PLXDC2: variants seen among roughly 807,000 people sequenced by gnomAD.
PLXDC2 encodes the protein plexin domain-containing protein 2.
A neutral mutation model predicts 68.9 loss-of-function variants in PLXDC2; 40 were observed. The ratio of observed to expected loss-of-function variants is 0.58; its 90% confidence interval spans 0.45 to 0.76. PLXDC2 has a LOEUF of 0.76. Among genes scored for constraint, PLXDC2 ranks in the 30% least tolerant of loss-of-function variants. The pLI is 0.00. For synonymous variants in PLXDC2, 243 were observed against 234.2 expected (o/e 1.04, Z -0.34); for missense variants, 644 against 661.9 (o/e 0.97, Z 0.30).
chr10:19,890,575 C>T (rs946348841), intron 1 of PLXDC2, among the ~76,000 whole-genome samples: 3 of 145,660 alleles, frequency 2.1e-5, no homozygotes, highest in African/African-American at 7.6e-5. Flanking sequence ...CAGGGTTTCA[C>T]CGCGTTAGCC....
At chr10:20,214,699 G>A (rs564665252) in intron 10 of PLXDC2, among the ~76,000 whole-genome samples, 276 of 152,178 alleles carry the variant, frequency 1.8e-3, no homozygotes, top group Middle Eastern at 3.4e-3. Flanking sequence ...GAATCTACTT[G>A]TTTTGTTATA....
chr10:20,255,787 T>C (rs1452032418), intron 13 of PLXDC2, among the ~76,000 whole-genome samples: 1 of 152,080 alleles, frequency 6.6e-6, no homozygotes, highest in African/African-American at 2.4e-5. Context: ...ATGATGGTAG[T>C]AATCGTGCTT....
intron 2 of PLXDC2, among the ~76,000 whole-genome samples, chr10:20,027,137 A>G (rs1835419391): frequency 6.6e-6 from 1 of 150,604 alleles, no homozygotes; most frequent in African/African-American, 2.4e-5. Flanking sequence ...ATTCTAATAC[A>G]TGTAGACACA....
intron 3 of PLXDC2, among the ~76,000 whole-genome samples, chr10:20,053,456 T>C (rs1024823280): frequency 7.2e-5 from 11 of 152,252 alleles, no homozygotes; most frequent in Middle Eastern, 3.4e-3. Flanking sequence ...CTGGGTATTT[T>C]GTCCTTCATT....
intron 13 of PLXDC2, among the ~76,000 whole-genome samples, chr10:20,265,892 C>T (rs1835866052): frequency 6.6e-6 from 1 of 152,066 alleles, no homozygotes; most frequent in Non-Finnish European, 1.5e-5. Context: ...TGTGCCTTTG[C>T]CACACCTTCT....
At chr10:20,039,760 A>G (rs1281637818) in intron 2 of PLXDC2, among the ~76,000 whole-genome samples, 1 of 152,182 alleles carries the variant, frequency 6.6e-6, no homozygotes, top group Non-Finnish European at 1.5e-5. Context: ...AATTCAAATA[A>G]TACAGATGAG....
rs368799104 is a variant in PLXDC2 at position 20,115,024 on chromosome 10, AT to A, written c.542-28262del. ...AGGAGATAAATAAATCCGCAATGCA[AT>A]TTTTTTTTACCACTTTCTCTTCAAA... On this transcript the variant is annotated intron_variant, in intron 4 of 13. Coordinates refer to ENST00000377252, the MANE Select transcript of PLXDC2 (RefSeq NM_032812.9). Among the ~76,000 whole-genome samples the A allele has an allele frequency of 1.7e-3, 255 of 151,856 alleles. 3 individuals carry two copies. The highest frequency in any genetic ancestry group is 5.9e-3 in the African/African-American group (243 of 41,420).
At chr10:19,878,709 T>C (rs767671378) in intron 1 of PLXDC2, among the ~76,000 whole-genome samples, 4 of 152,246 alleles carry the variant, frequency 2.6e-5, no homozygotes, top group Non-Finnish European at 5.9e-5. Context: ...TTGCATAGTT[T>C]TCACAACTTA....
intron 4 of PLXDC2, among the ~76,000 whole-genome samples, chr10:20,127,552 A>G (rs1833809776): frequency 6.6e-6 from 1 of 152,220 alleles, no homozygotes; most frequent in South Asian, 2.1e-4. Flanking sequence ...AATATTCAAC[A>G]TGTACAATAA....
At chr10:19,862,863 A>G (rs1356180435) in intron 1 of PLXDC2, among the ~76,000 whole-genome samples, 1 of 152,148 alleles carries the variant, frequency 6.6e-6, no homozygotes, top group Non-Finnish European at 1.5e-5. Flanking sequence ...TTCTTTCAGA[A>G]TATAGAAGTG....
chr10:20,170,710 T>C (rs1834436576), intron 7 of PLXDC2, among the ~76,000 whole-genome samples: 1 of 152,146 alleles, frequency 6.6e-6, no homozygotes, highest in Non-Finnish European at 1.5e-5. Context: ...GTGGCTACTA[T>C]GAACTTGCAA....
At chr10:19,931,953 G>T (rs1282384918) in intron 1 of PLXDC2, among the ~76,000 whole-genome samples, 2 of 10,216 alleles carry the variant, frequency 2.0e-4, no homozygotes, top group Non-Finnish European at 3.8e-4. Flanking sequence ...AATTTGGGAA[G>T]TGTGTGTGTG....
intron 3 of PLXDC2, among the ~76,000 whole-genome samples, chr10:20,063,555 T>C (rs1836141756): frequency 6.6e-6 from 1 of 152,036 alleles, no homozygotes; most frequent in Admixed American, 6.6e-5. Flanking sequence ...CAAATGGGAA[T>C]TGGGTATATT....
chr10:19,941,688 T>C (rs1833820495), intron 1 of PLXDC2, among the ~76,000 whole-genome samples: 1 of 152,176 alleles, frequency 6.6e-6, no homozygotes. Context: ...AGAATGCCTT[T>C]TGTGACTACT....
At chr10:20,057,351 T>C (rs1387121632) in intron 3 of PLXDC2, among the ~76,000 whole-genome samples, 2 of 152,312 alleles carry the variant, frequency 1.3e-5, no homozygotes, top group African/African-American at 4.8e-5. Flanking sequence ...CCTGGGTAGG[T>C]TAGTATTTCA....
chr10:20,235,397 T>C (rs1191614466), intron 12 of PLXDC2, among the ~76,000 whole-genome samples: 4 of 152,204 alleles, frequency 2.6e-5, no homozygotes. Context: ...TATAACAAAG[T>C]ATACTAATCA....
chr10:20,109,196 A>C (rs1833527859), intron 4 of PLXDC2, among the ~76,000 whole-genome samples: 1 of 152,200 alleles, frequency 6.6e-6, no homozygotes, highest in African/African-American at 2.4e-5. Context: ...TGCTTATGCC[A>C]GTTAATCTTA....
chr10:20,200,787 A>G (rs1235287461), intron 9 of PLXDC2, among the ~76,000 whole-genome samples: 1 of 152,140 alleles, frequency 6.6e-6, no homozygotes, highest in Non-Finnish European at 1.5e-5. Flanking sequence ...ACTCAACATC[A>G]TTAATCATCA....
chr10:20,245,955 C>T lies in PLXDC2; in HGVS notation c.1473+450C>T, dbSNP rs577494816. On this transcript the variant is annotated intron_variant, in intron 13 of 13. Transcript: ENST00000377252. ...GCCTCTTCTCAAAATGCTCACAAAC[C>T]GTTTGGAAAAAATATGGTTTTCACC... 5.9e-5 allele frequency among the ~76,000 whole-genome samples: 9 copies of T among 152,152 alleles called. No individual in the cohort carries two copies. The East Asian group carries it at 1.5e-3, about 26-fold the overall frequency.
Sources: allele counts gnomAD v4.1 joint callset (sites outside exome capture counted in the v4.1 genomes callset), GRCh38; gene constraint gnomAD v4.1.1; transcripts MANE v1.5; gene names NCBI Gene and HGNC (gene_info 2026-07-23, HGNC 2026-07-21).